MTCL1: variants seen among roughly 807,000 people sequenced by gnomAD.
MTCL1 encodes microtubule crosslinking factor 1, also known as microtubule cross-linking factor 1.
MTCL1 carries 79 observed loss-of-function variants against 141.4 expected under a neutral mutation model. The observed-to-expected ratio is 0.56, with a 90% CI of 0.47 to 0.67. MTCL1 has a LOEUF of 0.67. MTCL1 is among the 30% of genes least tolerant of loss of function. The probability of loss-of-function intolerance (pLI) is 0.00; values close to 1 mark genes in which losing one functional copy is unlikely to be tolerated. For synonymous variants in MTCL1, 914 were observed against 875.8 expected (o/e 1.04, Z -0.77); for missense variants, 2,177 against 2,113.9 (o/e 1.03, Z -0.59).
Position 8,793,130 on chromosome 18 carries a change from T to G in MTCL1, c.2010+10T>G. The G allele has an allele frequency of 6.2e-7, 1 of 1,613,030 alleles. No individual in the cohort carries two copies. The highest frequency in any genetic ancestry group is 8.5e-7 in the Non-Finnish European group (1 of 1,179,446). On this transcript the variant is annotated intron_variant, in intron 8 of 16. Transcript: ENST00000359865. ...AAACAAGATCCATAAGGTAAATATT[T>G]AACACGGACTCAGCACAACCGCTTT...
rs2077107057 is a variant in MTCL1 at position 8,828,871 on chromosome 18, C to CTTGCT, written c.4723-34_4723-30dup. ...TGTTTAAAAAACACTTTCCAACCTTCTTGCTTTTCTTTTCTTTCTCTGTCT... is the reference window on the plus strand; with the variant it reads ...TGTTTAAAAAACACTTTCCAACCTTCTTGCTTTGCTTTTCTTTTCTTTCTCTGTCT... On this transcript the variant is annotated intron_variant, in intron 15 of 16. Coordinates refer to ENST00000359865, the Ensembl canonical transcript of MTCL1. The surrounding 1 kb of genome is among the most constrained non-coding windows in gnomAD (Gnocchi z 5.2). The CTTGCT allele has an allele frequency of 6.2e-7, 1 of 1,613,560 alleles. No homozygotes were observed. The highest frequency in any genetic ancestry group is 1.7e-5 in the Admixed American group (1 of 59,992).
At chr18:8,764,443 A>T (rs1459303979) in intron 4 of MTCL1, among the ~76,000 whole-genome samples, 1 of 151,338 alleles carries the variant, frequency 6.6e-6, no homozygotes, top group Non-Finnish European at 1.5e-5. Flanking sequence ...TCAGCCTCCC[A>T]AGTAGCTGGG....
At position 8,828,870 on chromosome 18, in the gene MTCL1, T is replaced by A. The variant is rs758302358; in HGVS notation, c.4723-38T>A. Reference sequence around the variant, plus strand: ...CTGTTTAAAAAACACTTTCCAACCTTCTTGCTTTTCTTTTCTTTCTCTGTC... The same window carrying A: ...CTGTTTAAAAAACACTTTCCAACCTACTTGCTTTTCTTTTCTTTCTCTGTC... On this transcript the variant is annotated intron_variant, in intron 15 of 16. Coordinates refer to ENST00000359865, the Ensembl canonical transcript of MTCL1. The surrounding 1 kb of genome is among the most constrained non-coding windows in gnomAD (Gnocchi z 5.2). 6.2e-7 allele frequency: 1 copy of A among 1,613,668 alleles called. No individual in the cohort carries two copies. The highest frequency in any genetic ancestry group is 8.5e-7 in the Non-Finnish European group (1 of 1,180,004).
Position 8,831,683 on chromosome 18 carries a change from C to G in MTCL1, c.*95C>G. The G allele has an allele frequency of 1.9e-6, 3 of 1,550,642 alleles. No homozygotes were observed. In the South Asian group the frequency reaches 3.6e-5, roughly 18 times the overall value. ...CCCGAGAGACCAGCAAACCGTCGCC[C>G]TCCGTCCCGTTGGGCCCCACATTCC... On this transcript the variant is annotated 3_prime_UTR_variant, in exon 17 of 17. Coordinates refer to ENST00000359865, the Ensembl canonical transcript of MTCL1.
At chr18:8,723,082 A>T (rs1248408819) in intron 4 of MTCL1, among the ~76,000 whole-genome samples, 2 of 152,224 alleles carry the variant, frequency 1.3e-5, no homozygotes, top group Non-Finnish European at 2.9e-5. Context: ...GAATTGTTCC[A>T]TTGGAATGAA....
chr18:8,809,889 A>G, intron 11 of MTCL1: 1 of 357,850 alleles, frequency 2.8e-6, no homozygotes. Context: ...AGGAGGTGGG[A>G]GGCAGGGCCA....
At chr18:8,768,787 C>CCCTT (rs1568000449) in intron 4 of MTCL1, among the ~76,000 whole-genome samples, 1 of 133,346 alleles carries the variant, frequency 7.5e-6, no homozygotes, top group African/African-American at 3.0e-5. Context: ...TTCTTTTCTT[C>CCCTT]TCTTTTTTTT....
At chr18:8,820,724 A>G (rs996974807) in intron 13 of MTCL1, among the ~76,000 whole-genome samples, 18 of 152,140 alleles carry the variant, frequency 1.2e-4, no homozygotes, top group African/African-American at 4.3e-4. Flanking sequence ...AGCCCACTGG[A>G]CCCTGCATGG....
At chr18:8,746,461 AG>A (rs771303686) in intron 4 of MTCL1, among the ~76,000 whole-genome samples, 26 of 152,348 alleles carry the variant, frequency 1.7e-4, no homozygotes, top group Middle Eastern at 6.8e-3. Flanking sequence ...CTACTTAAAC[AG>A]GGGCTGTCAC....
exon 1 of MTCL1, chr18:8,706,262 C>T: frequency 8.1e-7 from 1 of 1,229,082 alleles, no homozygotes; most frequent in Non-Finnish European, 1.0e-6. Context: ...GCCCGCTGCT[C>T]GCGCATCAGC....
At chr18:8,738,223 TG>T (rs2096283695) in intron 4 of MTCL1, among the ~76,000 whole-genome samples, 1 of 152,170 alleles carries the variant, frequency 6.6e-6, no homozygotes, top group Non-Finnish European at 1.5e-5. Context: ...TAAAAATAAT[TG>T]TATGCATTAA....
intron 4 of MTCL1, among the ~76,000 whole-genome samples, chr18:8,742,098 C>T (rs939947948): frequency 6.6e-6 from 1 of 150,942 alleles, no homozygotes; most frequent in Admixed American, 6.6e-5. Flanking sequence ...CAGGCAGAAG[C>T]CAGTTCTAGA....
chr18:8,825,234 T>C (rs2076981417), exon 15 of MTCL1: 1 of 1,596,132 alleles, frequency 6.3e-7, no homozygotes, highest in South Asian at 1.1e-5. Flanking sequence ...GCCTTGCACC[T>C]CCCCCAGGCA....
At chr18:8,831,769 G>A (rs1348024661) in exon 17 of MTCL1, 24 of 1,550,232 alleles carry the variant, frequency 1.5e-5, no homozygotes, top group East Asian at 4.9e-5. Flanking sequence ...GCATGGTGGC[G>A]AGGAGCCGCC....
chr18:8,821,547 G>A lies in MTCL1; in HGVS notation c.3188+49G>A, dbSNP rs1490178290. 5.3e-6 allele frequency: 6 copies of A among 1,130,478 alleles called. No homozygotes were observed. The Admixed American group carries it at 9.1e-5, about 17-fold the overall frequency. The allele number at this position is 1,130,478 out of a possible 1,614,324, so 70.0% of individuals were successfully genotyped here. Reference sequence around the variant, plus strand: ...TAGATTACTAGAATAAAAATGTCTTGGTCTTAAAATGTTGTTTTGTCAATG... The same window carrying A: ...TAGATTACTAGAATAAAAATGTCTTAGTCTTAAAATGTTGTTTTGTCAATG... On this transcript the variant is annotated intron_variant, in intron 14 of 16. Coordinates refer to ENST00000359865, the Ensembl canonical transcript of MTCL1.
intron 4 of MTCL1, among the ~76,000 whole-genome samples, chr18:8,750,458 C>G (rs1336084390): frequency 6.6e-6 from 1 of 152,226 alleles, no homozygotes; most frequent in African/African-American, 2.4e-5. Flanking sequence ...ACCTGCTGCT[C>G]TCTGTGCCCT....
chr18:8,783,632 G>A (rs201320331), exon 6 of MTCL1: 1 of 1,613,508 alleles, frequency 6.2e-7, no homozygotes, highest in Non-Finnish European at 8.5e-7. Context: ...GGACGAGCTG[G>A]AGCAGGAGCT....
intron 4 of MTCL1, among the ~76,000 whole-genome samples, chr18:8,729,087 A>G (rs1441705983): frequency 6.6e-6 from 1 of 151,960 alleles, no homozygotes; most frequent in Non-Finnish European, 1.5e-5. Flanking sequence ...GCTGTCTCCC[A>G]GGCTGGAGTC....
intron 12 of MTCL1, among the ~76,000 whole-genome samples, chr18:8,816,485 T>C (rs1742617791): frequency 6.6e-6 from 1 of 152,208 alleles, no homozygotes; most frequent in African/African-American, 2.4e-5. Context: ...TATCAGCGTC[T>C]CTTGTCTCAA....
Sources: allele counts gnomAD v4.1 joint callset (sites outside exome capture counted in the v4.1 genomes callset), GRCh38; gene constraint gnomAD v4.1.1; non-coding constraint Gnocchi (gnomAD v3.1); transcripts MANE v1.5; gene names NCBI Gene and HGNC (gene_info 2026-07-23, HGNC 2026-07-21).